Variants in SYT16 observed in about 807,000 individuals in gnomAD.
SYT16 encodes the protein synaptotagmin 16.
A neutral mutation model predicts 61.4 loss-of-function variants in SYT16; 42 were observed. That is an observed-to-expected ratio of 0.68 (90% CI 0.53 to 0.89). SYT16 has a LOEUF of 0.89. Ranked by LOEUF, SYT16 falls within the 40% of genes least tolerant of loss-of-function variation. The probability of loss-of-function intolerance (pLI) is 0.00; values close to 1 mark genes in which losing one functional copy is unlikely to be tolerated. For synonymous variants in SYT16, 314 were observed against 302.3 expected (o/e 1.04, Z -0.40); for missense variants, 804 against 807.3 (o/e 1.00, Z 0.05).
chr14:62,016,814 T>C (rs1268840733), intron 3 of SYT16, among the ~76,000 whole-genome samples: 5 of 152,230 alleles, frequency 3.3e-5, no homozygotes, highest in African/African-American at 1.2e-4. Flanking sequence ...ATTTTATCTA[T>C]GTTAACTTTA....
At chr14:61,965,785 G>C (rs1002954890) in intron 1 of SYT16, among the ~76,000 whole-genome samples, 1 of 151,542 alleles carries the variant, frequency 6.6e-6, no homozygotes, top group Non-Finnish European at 1.5e-5. Context: ...AGTTGAAATA[G>C]AATAAATTAT....
At chr14:61,942,005 T>A (rs1461895345) in intron 1 of SYT16, among the ~76,000 whole-genome samples, 1 of 152,250 alleles carries the variant, frequency 6.6e-6, no homozygotes, top group Non-Finnish European at 1.5e-5. Flanking sequence ...TTTATGAATA[T>A]GAAAGATGTT....
At chr14:61,853,346 T>C (rs192474330) in intron 1 of SYT16, among the ~76,000 whole-genome samples, 3 of 152,320 alleles carry the variant, frequency 2.0e-5, no homozygotes, top group Admixed American at 6.5e-5. Flanking sequence ...ATATTCAGGG[T>C]CAGTTTTTAA....
At chr14:61,949,899 T>C (rs2050601941) in intron 1 of SYT16, among the ~76,000 whole-genome samples, 1 of 152,240 alleles carries the variant, frequency 6.6e-6, no homozygotes, top group Non-Finnish European at 1.5e-5. Flanking sequence ...ATCAGGGCTT[T>C]GTTTCACAAG....
rs377004639 is a variant in SYT16 at position 62,005,370 on chromosome 14, G to A, written c.523+8828G>A. 5.9e-5 allele frequency among the ~76,000 whole-genome samples: 9 copies of A among 152,204 alleles called. No homozygotes were observed. The East Asian group carries it at 1.7e-3, about 29-fold the overall frequency. On this transcript the variant is annotated intron_variant, in intron 3 of 7. Coordinates refer to ENST00000683842, the MANE Select transcript of SYT16 (RefSeq NM_001367656.1). ...TCAGCTTCAGGTCTGGGATATATGA[G>A]GTAAAAGAGCCCAGGGAACTCACGA...
In SYT16 at chr14:62,075,329, T is replaced by C; in HGVS notation, c.931T>C (p.Phe311Leu). 6.2e-7 allele frequency: 1 copy of C among 1,613,830 alleles called. No homozygotes were observed. Among genetic ancestry groups the C allele is most frequent in the Non-Finnish European group, 8.5e-7 (1 of 1,179,816 alleles). The change falls in exon 5 of 8, where the codon TTT becomes CTT. Residue 311 changes from phenylalanine (F) to leucine (L), a missense_variant. Physicochemically the swap from Phe to Leu is conservative, Grantham distance 22. Coordinates refer to ENST00000683842, the MANE Select transcript of SYT16 (RefSeq NM_001367656.1). ...TEGSLEMETA[F>L]NSRGFEDSYA... Reference sequence around the variant, plus strand: ...GGGCAGCTTGGAGATGGAGACAGCTTTTAATAGCCGGGGATTTGAAGATTC... The same window carrying C: ...GGGCAGCTTGGAGATGGAGACAGCTCTTAATAGCCGGGGATTTGAAGATTC...
chr14:61,825,794 T>C lies in SYT16; in HGVS notation c.-325+12984T>C, dbSNP rs562348901. Among the ~76,000 whole-genome samples, 5 of 152,268 alleles carry C rather than the reference T, an allele frequency of 3.3e-5. No individual in the cohort carries two copies. The South Asian group carries it at 1.0e-3, about 32-fold the overall frequency. ...CTTTAATATTAAACATGGAAATAAA[T>C]GTAAGCTACATATACATTTAAGAAA... On this transcript the variant is annotated intron_variant, in intron 1 of 7. Transcript: ENST00000683842.
chr14:62,002,481 T>A (rs2053059268), intron 3 of SYT16, among the ~76,000 whole-genome samples: 1 of 152,146 alleles, frequency 6.6e-6, no homozygotes, highest in African/African-American at 2.4e-5. Flanking sequence ...TATTATGCAT[T>A]ACTTATTGTT....
chr14:62,029,159 C>T (rs945619620), intron 3 of SYT16, among the ~76,000 whole-genome samples: 32 of 152,232 alleles, frequency 2.1e-4, no homozygotes, highest in East Asian at 7.7e-4. Flanking sequence ...GAGACAGTCC[C>T]GCTCTGTTGT....
At chr14:61,938,020 C>T (rs2050050997) in intron 1 of SYT16, among the ~76,000 whole-genome samples, 1 of 146,710 alleles carries the variant, frequency 6.8e-6, no homozygotes, top group Admixed American at 6.9e-5. Context: ...CAACCTCCTA[C>T]CCCGCAACAC....
intron 1 of SYT16, among the ~76,000 whole-genome samples, chr14:61,827,632 C>T (rs888065508): frequency 6.6e-6 from 1 of 152,054 alleles, no homozygotes. Flanking sequence ...ACCTATTGGT[C>T]ATGATTTTTT....
At chr14:61,986,096 T>G (rs1953543) in intron 2 of SYT16, among the ~76,000 whole-genome samples, 7 of 152,176 alleles carry the variant, frequency 4.6e-5, no homozygotes, top group Non-Finnish European at 8.8e-5. Context: ...GCGGTGGAAC[T>G]GGCTCATGGT....
At chr14:62,099,209 A>G (rs1018840022) in intron 7 of SYT16, among the ~76,000 whole-genome samples, 21 of 152,220 alleles carry the variant, frequency 1.4e-4, no homozygotes, top group African/African-American at 4.3e-4. Flanking sequence ...TGTATTTCAC[A>G]GAGATTGCTC....
chr14:62,075,465 C>G (rs1450152244), intron 5 of SYT16, 74 bp downstream of exon 5: 3 of 1,335,328 alleles, frequency 2.2e-6, no homozygotes, highest in East Asian at 4.8e-5. Context: ...TTTCTCATCT[C>G]TCTAAAAAAA....
At chr14:61,869,755 C>T (rs2047272217) in intron 1 of SYT16, among the ~76,000 whole-genome samples, 1 of 152,012 alleles carries the variant, frequency 6.6e-6, no homozygotes, top group Non-Finnish European at 1.5e-5. Context: ...TAATAAGAGA[C>T]ATGAGAGAGT....
At chr14:61,880,467 A>T in intron 1 of SYT16, among the ~76,000 whole-genome samples, 1 of 152,064 alleles carries the variant, frequency 6.6e-6, no homozygotes, top group South Asian at 2.1e-4. Context: ...TTACTATTTC[A>T]TGTGCATTTT....
chr14:61,823,840 G>T (rs1408051276), intron 1 of SYT16, among the ~76,000 whole-genome samples: 6 of 152,194 alleles, frequency 3.9e-5, no homozygotes, highest in African/African-American at 1.4e-4. Flanking sequence ...GCGACAATAA[G>T]CTGCTGATTG....
chr14:62,075,528 C>T, intron 5 of SYT16, 137 bp downstream of exon 5: 4 of 990,464 alleles, frequency 4.0e-6, no homozygotes, highest in Non-Finnish European at 5.4e-6. Context: ...AATTTTTGTC[C>T]AGATGACCAA....
In SYT16 at chr14:61,862,112, C is replaced by A. The variant is rs74367451; in HGVS notation, c.-325+49302C>A. ...GTGCTTTATTGTTATATTCTTATAG[C>A]TTTATGAAAGTATAATTTGCATGCA... On this transcript the variant is annotated intron_variant, in intron 1 of 7. Transcript: ENST00000683842. 1.5e-3 allele frequency among the ~76,000 whole-genome samples: 228 copies of A among 152,286 alleles called. 2 individuals are homozygous for A. The highest frequency in any genetic ancestry group is 5.2e-3 in the African/African-American group (216 of 41,550).
Sources: gnomAD v4.1 joint callset for allele counts (sites outside exome capture counted in the v4.1 genomes callset) on GRCh38, gnomAD v4.1.1 for gene constraint, MANE v1.5 for transcripts, NCBI Gene and HGNC (gene_info 2026-07-23, HGNC 2026-07-21) for gene names.